VAV2: variants seen among roughly 807,000 people sequenced by gnomAD.
The protein encoded by VAV2 is guanine nucleotide exchange factor VAV2.
A neutral mutation model predicts 132.5 loss-of-function variants in VAV2; 67 were observed. The observed-to-expected ratio is 0.51, with a 90% confidence interval of 0.42 to 0.62. The LOEUF is 0.62. VAV2 is among the 20% of genes least tolerant of loss of function. The probability of loss-of-function intolerance (pLI) is 0.00; values close to 1 mark genes in which losing one functional copy is unlikely to be tolerated. For missense variants in VAV2, 938 were observed against 1,153.6 expected, an observed-to-expected ratio of 0.81 and a Z score of 2.71; for synonymous variants, 492 against 443.5, an observed-to-expected ratio of 1.11 and a Z score of -1.37.
chr9:133,973,516 G>A (rs1842408198), intron 1 of VAV2, among the ~76,000 whole-genome samples: 3 of 152,198 alleles, frequency 2.0e-5, no homozygotes, highest in African/African-American at 7.2e-5. Flanking sequence ...TCTGCAAAGG[G>A]CAGCGGTGCA....
intron 2 of VAV2, among the ~76,000 whole-genome samples, chr9:133,917,004 A>G (rs1265192264): frequency 6.6e-6 from 1 of 152,180 alleles, no homozygotes; most frequent in East Asian, 1.9e-4. Flanking sequence ...GCAAGGACTA[A>G]TAAGGACGAG....
At chr9:133,812,515 G>A (rs1319669429) in intron 4 of VAV2, among the ~76,000 whole-genome samples, 2 of 152,184 alleles carry the variant, frequency 1.3e-5, no homozygotes, top group African/African-American at 2.4e-5. Context: ...TGCTGGGGAC[G>A]TAGGCCAGAG....
chr9:133,776,630 A>G (rs545723495), intron 23 of VAV2, among the ~76,000 whole-genome samples: 8 of 152,272 alleles, frequency 5.3e-5, no homozygotes, highest in African/African-American at 1.9e-4. Flanking sequence ...GAAGGGAAGG[A>G]ACCTGCCCCA....
intron 2 of VAV2, among the ~76,000 whole-genome samples, chr9:133,875,558 A>C (rs895542525): frequency 2.0e-5 from 3 of 152,182 alleles, no homozygotes; most frequent in Non-Finnish European, 2.9e-5. Flanking sequence ...TAGCAAAGAA[A>C]CAGGCGATCC....
At chr9:133,775,950 C>A in intron 24 of VAV2, 78 bp downstream of exon 24, 2 of 1,510,626 alleles carry the variant, frequency 1.3e-6, no homozygotes, top group East Asian at 2.5e-5. Flanking sequence ...CTCACAGGCA[C>A]CACCCAGACC....
chr9:133,975,828 G>C (rs1842486059), intron 1 of VAV2, among the ~76,000 whole-genome samples: 2 of 152,252 alleles, frequency 1.3e-5, no homozygotes, highest in Middle Eastern at 6.8e-3. Flanking sequence ...ATATTTGTCA[G>C]GAGAGAGGGA....
intron 2 of VAV2, among the ~76,000 whole-genome samples, chr9:133,881,457 G>A (rs913068224): frequency 3.3e-5 from 5 of 152,196 alleles, no homozygotes; most frequent in African/African-American, 1.2e-4. Flanking sequence ...GGCTGCAAAG[G>A]AGTCTCCAAG....
chr9:133,915,400 A>G (rs552948984), intron 2 of VAV2, among the ~76,000 whole-genome samples: 18 of 152,360 alleles, frequency 1.2e-4, no homozygotes, highest in African/African-American at 4.3e-4. Flanking sequence ...TCCACCTGCC[A>G]ACGGCCAGCT....
chr9:133,771,426 C>T (rs1360954781), intron 26 of VAV2, among the ~76,000 whole-genome samples: 3 of 152,120 alleles, frequency 2.0e-5, no homozygotes, highest in Admixed American at 2.0e-4. Context: ...AAGCTAAGAG[C>T]CTGGGGGCTC....
Position 133,961,867 on chromosome 9 carries a change from C to T in VAV2, c.205-22648G>A, listed in dbSNP as rs759518192. 1.3e-5 allele frequency among the ~76,000 whole-genome samples: 2 copies of T among 152,102 alleles called. No individual in the cohort carries two copies. Among genetic ancestry groups the T allele is most frequent in the Admixed American group, 6.5e-5 (1 of 15,280 alleles). ...AGGCCTAGGCTGGGAACAGGGAGACCCTCACCGTGAGCCTCATCCACCCAG... is the reference window on the plus strand; with the variant it reads ...AGGCCTAGGCTGGGAACAGGGAGACTCTCACCGTGAGCCTCATCCACCCAG... On this transcript the variant is annotated intron_variant, in intron 1 of 29. Transcript: ENST00000371850. The surrounding 1 kb of genome is among the most constrained non-coding windows in gnomAD (Gnocchi z 4.1).
chr9:133,909,641 A>G (rs1839805032), intron 2 of VAV2, among the ~76,000 whole-genome samples: 1 of 115,850 alleles, frequency 8.6e-6, no homozygotes, highest in Non-Finnish European at 1.9e-5. Flanking sequence ...ATGAACGCAG[A>G]GCTTGCAGAC....
At chr9:133,970,166 C>G (rs1247715588) in intron 1 of VAV2, among the ~76,000 whole-genome samples, 2 of 152,174 alleles carry the variant, frequency 1.3e-5, no homozygotes, top group Non-Finnish European at 2.9e-5. Flanking sequence ...GAGACCGAGT[C>G]TCAACCATCT....
intron 25 of VAV2, among the ~76,000 whole-genome samples, chr9:133,772,799 T>C (rs1295290332): frequency 2.0e-5 from 3 of 152,090 alleles, no homozygotes; most frequent in Non-Finnish European, 4.4e-5. Context: ...CTTCCATCAC[T>C]GTACGAACGC....
chr9:133,834,949 G>C lies in VAV2; in HGVS notation c.381-609C>G, dbSNP rs1047880628. 5.3e-5 allele frequency among the ~76,000 whole-genome samples: 8 copies of C among 152,164 alleles called. No homozygotes were observed. The highest frequency in any genetic ancestry group is 1.9e-4 in the African/African-American group (8 of 41,436). On this transcript the variant is annotated intron_variant, in intron 3 of 29. Transcript: ENST00000371850. The surrounding 1 kb of genome is among the most constrained non-coding windows in gnomAD (Gnocchi z 5.9). ...AGCCTCCCCTCCTACAAAGGGAGCA[G>C]AAGCCCCATGGGGTCTCCCCAGAAG...
At chr9:133,951,876 G>A (rs1239727693) in intron 1 of VAV2, among the ~76,000 whole-genome samples, 1 of 152,144 alleles carries the variant, frequency 6.6e-6, no homozygotes, top group Non-Finnish European at 1.5e-5. Context: ...AAATCCCACA[G>A]CCCGGGAAGC....
chr9:133,896,306 T>C (rs2131993814), intron 2 of VAV2, among the ~76,000 whole-genome samples: 1 of 152,102 alleles, frequency 6.6e-6, no homozygotes, highest in East Asian at 1.9e-4. Flanking sequence ...GTACAAAAAT[T>C]AGATGGGCAT....
At chr9:133,878,525 G>A (rs895512444) in intron 2 of VAV2, among the ~76,000 whole-genome samples, 8 of 152,120 alleles carry the variant, frequency 5.3e-5, no homozygotes, top group African/African-American at 1.7e-4. Flanking sequence ...CACTGCCCAC[G>A]GCTGCCCCGC....
intron 2 of VAV2, among the ~76,000 whole-genome samples, chr9:133,934,549 T>C (rs1346724752): frequency 1.3e-5 from 2 of 152,238 alleles, no homozygotes; most frequent in East Asian, 3.8e-4. Context: ...AGAGAAAATG[T>C]GATTCCCTCT....
At chr9:133,798,932 T>C (rs1390160554) in intron 9 of VAV2, among the ~76,000 whole-genome samples, 3 of 152,162 alleles carry the variant, frequency 2.0e-5, no homozygotes, top group Non-Finnish European at 4.4e-5. Context: ...GAGGCTCCCC[T>C]GGCCCGGGAA....
Sources: gnomAD v4.1 joint callset for allele counts (sites outside exome capture counted in the v4.1 genomes callset) on GRCh38, gnomAD v4.1.1 for gene constraint, Gnocchi (gnomAD v3.1) non-coding constraint, MANE v1.5 for transcripts, NCBI Gene and HGNC (gene_info 2026-07-23, HGNC 2026-07-21) for gene names.